Variants in NOL10 observed in about 807,000 individuals in gnomAD.
The protein encoded by NOL10 is H_NH0074G24.1.
Under a neutral mutation model 103.5 loss-of-function variants are expected in NOL10, and 58 were observed. That is an observed-to-expected ratio of 0.56 (90% CI 0.45 to 0.70). NOL10 has a LOEUF of 0.70. Ranked by LOEUF, NOL10 falls within the 30% of genes least tolerant of loss-of-function variation. The pLI, the probability that NOL10 is intolerant of heterozygous loss-of-function variation, is 0.00. For synonymous variants in NOL10, 287 were observed against 282.5 expected (o/e 1.02, Z -0.16); for missense variants, 763 against 807.3 (o/e 0.95, Z 0.67).
At chr2:10,642,035 A>C (rs1678729312) in intron 13 of NOL10, among the ~76,000 whole-genome samples, 1 of 152,224 alleles carries the variant, frequency 6.6e-6, no homozygotes, top group East Asian at 1.9e-4. Flanking sequence ...ATCAAAATAC[A>C]ATAAGCACTT....
chr2:10,671,404 CTTTTCTTTT>C, intron 6 of NOL10, 141 bp downstream of exon 6: 1 of 656,040 alleles, frequency 1.5e-6, no homozygotes, highest in African/African-American at 2.3e-5. Context: ...CCTGTGTTTT[CTTTTCTTTT>C]TTTTTTTTTT....
At chr2:10,607,445 C>T in intron 13 of NOL10, 134 bp from the exon 14 acceptor site, 5 of 922,334 alleles carry the variant, frequency 5.4e-6, no homozygotes, top group African/African-American at 5.0e-5. Context: ...CAAATGGATG[C>T]AGTATGTATA....
At position 10,638,483 on chromosome 2, in the gene NOL10, C is replaced by CTTTTTTTTTTTTTT. The variant is rs869294782; in HGVS notation, c.1026+5823_1026+5836dup. 1.3e-4 allele frequency among the ~76,000 whole-genome samples: 10 copies of CTTTTTTTTTTTTTT among 77,784 alleles called. 1 individual carries two copies. The highest frequency in any genetic ancestry group is 4.8e-4 in the African/African-American group (9 of 18,650). The allele number at this position is 77,784 out of a possible 152,430, so 51.0% of individuals were successfully genotyped here. A position where few individuals can be genotyped will look rare whatever the true frequency, so the allele number is the denominator to read the frequency against. On this transcript the variant is annotated intron_variant, in intron 13 of 20. Coordinates refer to ENST00000381685, the MANE Select transcript of NOL10 (RefSeq NM_024894.4). ...GCACATACCCTTATAGCTGAATTCCCTTTTTTTTTTTTTTTTTTTTTTTTT... is the reference window on the plus strand; with the variant it reads ...GCACATACCCTTATAGCTGAATTCCCTTTTTTTTTTTTTTTTTTTTTTTTTTTTTTTTTTTTTTT...
chr2:10,685,493 C>A lies in NOL10; in HGVS notation c.67-881G>T, dbSNP rs758143723. Among the ~76,000 whole-genome samples the A allele has an allele frequency of 5.0e-4, 8 of 15,986 alleles. No individual in the cohort carries two copies. In the South Asian group the frequency reaches 0.011, roughly 21 times the overall value. 10.5% of individuals were successfully genotyped at this position (15,986 alleles called of 152,430 possible). A position where few individuals can be genotyped will look rare whatever the true frequency, so the allele number is the denominator to read the frequency against. ...GGTGACTGAGAGAGACTCCGTCCCC[C>A]CCCCCCCCCCCCCCGCCAAAAAAAA... On this transcript the variant is annotated intron_variant, in intron 1 of 20. Transcript: ENST00000381685.
At chr2:10,681,612 G>C (rs1312108849) in intron 3 of NOL10, among the ~76,000 whole-genome samples, 5 of 152,138 alleles carry the variant, frequency 3.3e-5, no homozygotes. Context: ...CCTTGAAAAA[G>C]GCTATAAGTA....
At chr2:10,576,494 T>C (rs1170703713) in intron 20 of NOL10, among the ~76,000 whole-genome samples, 2 of 152,220 alleles carry the variant, frequency 1.3e-5, no homozygotes, top group Non-Finnish European at 2.9e-5. Flanking sequence ...GCAAAATGTG[T>C]TATATACGTA....
chr2:10,597,017 T>A (rs921909282), intron 17 of NOL10, among the ~76,000 whole-genome samples: 8 of 152,180 alleles, frequency 5.3e-5, no homozygotes, highest in African/African-American at 1.9e-4. Context: ...TAGCCCAGGC[T>A]GCAGTACAGT....
chr2:10,655,391 G>A lies in NOL10; in HGVS notation c.907-844C>T, dbSNP rs901892178. ...AGGACAACACTGCCATGCCTGCACC[G>A]CAAGGTTTCGAGGAGGATCAAGTGA... On this transcript the variant is annotated intron_variant, in intron 11 of 20. Transcript: ENST00000381685. Among the ~76,000 whole-genome samples the A allele has an allele frequency of 4.6e-5, 7 of 152,274 alleles. No homozygotes were observed. The South Asian group carries it at 1.0e-3, about 23-fold the overall frequency.
intron 14 of NOL10, among the ~76,000 whole-genome samples, chr2:10,606,470 T>G (rs1245352018): frequency 6.6e-6 from 1 of 151,958 alleles, no homozygotes; most frequent in African/African-American, 2.4e-5. Context: ...CCATGCTGCA[T>G]GGCAGTGCAC....
chr2:10,621,451 G>A (rs1677142337), intron 13 of NOL10, among the ~76,000 whole-genome samples: 1 of 152,096 alleles, frequency 6.6e-6, no homozygotes, highest in Non-Finnish European at 1.5e-5. Flanking sequence ...AAAATTATCT[G>A]GGTGTGGTGG....
At chr2:10,668,796 AT>A in intron 6 of NOL10, 73 bp from the exon 7 acceptor site, 1 of 587,460 alleles carries the variant, frequency 1.7e-6, no homozygotes, top group Non-Finnish European at 2.8e-6. Flanking sequence ...AATTTTATAA[AT>A]ATATATATTA....
At chr2:10,652,369 T>G in intron 12 of NOL10, among the ~76,000 whole-genome samples, 1 of 151,628 alleles carries the variant, frequency 6.6e-6, no homozygotes, top group South Asian at 2.1e-4. Context: ...ACCCAATTTT[T>G]CTGACCCCTT....
At chr2:10,643,699 A>C (rs1678868972) in intron 13 of NOL10, among the ~76,000 whole-genome samples, 1 of 152,242 alleles carries the variant, frequency 6.6e-6, no homozygotes, top group Non-Finnish European at 1.5e-5. Context: ...TAGACTTTTC[A>C]GAATTAGACC....
chr2:10,571,895 GGC>G lies in NOL10; in HGVS notation c.*174_*175del, dbSNP rs1674197776. 1 of 684,834 alleles carries G rather than the reference GGC, an allele frequency of 1.5e-6. No individual in the cohort carries two copies. Among genetic ancestry groups the G allele is most frequent in the Non-Finnish European group, 2.4e-6 (1 of 423,328 alleles). 42.4% of individuals were successfully genotyped at this position (684,834 alleles called of 1,614,324 possible). A position where few individuals can be genotyped will look rare whatever the true frequency, so the allele number is the denominator to read the frequency against. ...GGGGCTGTGCGGTGGCCGTCGGCGG[GGC>G]CAGCTTCAAAGTCCAACCCACAAGG... is the stretch of plus-strand genomic sequence containing the variant. On this transcript the variant is annotated 3_prime_UTR_variant, in exon 21 of 21. Transcript: ENST00000381685.
intron 13 of NOL10, among the ~76,000 whole-genome samples, chr2:10,623,910 C>CATGTGGAG (rs759148633): frequency 8.6e-4 from 131 of 152,302 alleles, no homozygotes; most frequent in Non-Finnish European, 1.1e-3. Flanking sequence ...TGCTGACGAG[C>CATGTGGAG]ATGTGGAGCA....
intron 16 of NOL10, among the ~76,000 whole-genome samples, chr2:10,601,808 C>T (rs1294730994): frequency 6.6e-6 from 1 of 152,142 alleles, no homozygotes; most frequent in African/African-American, 2.4e-5. Flanking sequence ...AAGATCCTGT[C>T]TCAAAAATAC....
intron 20 of NOL10, among the ~76,000 whole-genome samples, chr2:10,576,119 T>G (rs1291351078): frequency 6.6e-6 from 1 of 152,156 alleles, no homozygotes; most frequent in African/African-American, 2.4e-5. Context: ...AATAAGCACA[T>G]GATAAAATGC....
chr2:10,612,128 A>T (rs1030838762), intron 13 of NOL10, among the ~76,000 whole-genome samples: 1 of 152,108 alleles, frequency 6.6e-6, no homozygotes, highest in Admixed American at 6.6e-5. Context: ...GTCTCTAAGA[A>T]CAATAAAAAT....
chr2:10,680,382 AAGAGGG>A (rs1171532994), intron 3 of NOL10, among the ~76,000 whole-genome samples: 26 of 148,030 alleles, frequency 1.8e-4, no homozygotes, highest in African/African-American at 4.5e-4. Context: ...GGAGAGGGAG[AAGAGGG>A]AGAGGGAGAG....
Sources: gnomAD v4.1 joint callset for allele counts (sites outside exome capture counted in the v4.1 genomes callset) on GRCh38, gnomAD v4.1.1 for gene constraint, MANE v1.5 for transcripts, NCBI Gene and HGNC (gene_info 2026-07-23, HGNC 2026-07-21) for gene names.